The following GASK1A variants were observed in gnomAD, a reference collection of about 807,000 sequenced individuals.
GASK1A encodes the protein Golgi-associated kinase 1A.
In GASK1A, 40 loss-of-function variants were observed where a neutral mutation model predicts 41.2. The observed-to-expected ratio is 0.97, with a 90% CI of 0.75 to 1.27. The LOEUF (loss-of-function observed/expected upper bound fraction) is 1.27, where lower values mean the gene tolerates loss of function less well. Among genes scored for constraint, GASK1A ranks in the 50% most tolerant of loss-of-function variants. The pLI is 0.00. For synonymous variants in GASK1A, 316 were observed against 307.1 expected (o/e 1.03, Z -0.30); for missense variants, 678 against 745.1 (o/e 0.91, Z 1.05).
chr3:43,013,242 G>A (rs1222150457), intron 1 of GASK1A, among the ~76,000 whole-genome samples: 1 of 151,724 alleles, frequency 6.6e-6, no homozygotes, highest in Non-Finnish European at 1.5e-5. Flanking sequence ...GGAAGTCACA[G>A]GAAGAGGCAA....
chr3:43,016,807 CAGGAAGGGGCCATAGGCAGTCAT>C (rs1180016941), intron 1 of GASK1A, among the ~76,000 whole-genome samples: 2 of 151,486 alleles, frequency 1.3e-5, no homozygotes, highest in Non-Finnish European at 2.9e-5. Flanking sequence ...TGGAATGTCA[CAGGAAGGGGCCATAGGCAGTCAT>C]AGGAAGGGGC....
chr3:43,029,340 C>A (rs982313089), intron 1 of GASK1A, among the ~76,000 whole-genome samples: 1 of 152,018 alleles, frequency 6.6e-6, no homozygotes, highest in African/African-American at 2.4e-5. Context: ...TGAAAGCCAC[C>A]CTCCAGGGCC....
At chr3:43,020,750 C>G (rs1575443983) in intron 1 of GASK1A, among the ~76,000 whole-genome samples, 3 of 152,302 alleles carry the variant, frequency 2.0e-5, no homozygotes, top group African/African-American at 7.2e-5. Flanking sequence ...AGGTTTGTTC[C>G]AGATGCTTCA....
At position 43,014,907 on chromosome 3, in the gene GASK1A, C is replaced by T. The variant is rs553687968; in HGVS notation, c.4-17360C>T. Among the ~76,000 whole-genome samples, 4 of 149,620 alleles carry T rather than the reference C, an allele frequency of 2.7e-5. No individual in the cohort carries two copies. The East Asian group carries it at 6.1e-4, about 23-fold the overall frequency. On this transcript the variant is annotated intron_variant, in intron 1 of 4. Transcript: ENST00000430121. ...GAAATCACAGGAAGAGGCTGTTTTA[C>T]GCCCTGGGAATGGGCAGTGTGAAGC...
intron 2 of GASK1A, among the ~76,000 whole-genome samples, chr3:43,051,062 G>A (rs1477505667): frequency 6.6e-6 from 1 of 151,876 alleles, no homozygotes; most frequent in Non-Finnish European, 1.5e-5. Context: ...GCCATACTTT[G>A]TTTCTTTGAC....
intron 1 of GASK1A, among the ~76,000 whole-genome samples, chr3:42,994,020 T>C (rs553342101): frequency 9.1e-4 from 139 of 152,326 alleles, no homozygotes; most frequent in Admixed American, 2.2e-3. Flanking sequence ...GGCCAAGTCA[T>C]GCAGTTCATA....
At chr3:43,016,947 G>T (rs537753000) in intron 1 of GASK1A, among the ~76,000 whole-genome samples, 37 of 148,412 alleles carry the variant, frequency 2.5e-4, no homozygotes, top group Non-Finnish European at 4.5e-4. Context: ...TGAAGTCCCA[G>T]AAAGGGGCTG....
intron 2 of GASK1A, among the ~76,000 whole-genome samples, chr3:43,052,652 A>G (rs2089696891): frequency 6.6e-6 from 1 of 151,718 alleles, no homozygotes; most frequent in East Asian, 1.9e-4. Context: ...TCTCCAAACC[A>G]ACTCCTCACT....
chr3:42,987,301 C>G (rs559114100), intron 1 of GASK1A, among the ~76,000 whole-genome samples: 1 of 152,202 alleles, frequency 6.6e-6, no homozygotes, highest in South Asian at 2.1e-4. Context: ...GGTGGGCACA[C>G]AAAGTGGAGA....
At chr3:43,031,404 CCT>C (rs2089575126) in intron 1 of GASK1A, among the ~76,000 whole-genome samples, 1 of 152,268 alleles carries the variant, frequency 6.6e-6, no homozygotes, top group African/African-American at 2.4e-5. Context: ...CTGCCCAGCC[CCT>C]GTTTCTGATT....
At chr3:43,012,090 CCACAGGAAGGGGAATGGGAAGT>C (rs2089466336) in intron 1 of GASK1A, among the ~76,000 whole-genome samples, 1 of 151,108 alleles carries the variant, frequency 6.6e-6, no homozygotes, top group Admixed American at 6.6e-5. Flanking sequence ...CTGTGTGAAG[CCACAGGAAGGGGAATGGGAAGT>C]CACAGGAAGG....
intron 1 of GASK1A, among the ~76,000 whole-genome samples, chr3:42,988,409 T>G (rs1387147525): frequency 6.6e-6 from 1 of 152,116 alleles, no homozygotes; most frequent in Non-Finnish European, 1.5e-5. Flanking sequence ...CATGGTTCTA[T>G]AAGAGCCAGG....
chr3:42,995,498 C>G (rs1377146456), intron 1 of GASK1A, among the ~76,000 whole-genome samples: 2 of 152,198 alleles, frequency 1.3e-5, no homozygotes, highest in African/African-American at 4.8e-5. Context: ...TAAAACACTA[C>G]AAGCCAAACA....
intron 1 of GASK1A, 86 bp from the exon 2 acceptor site, chr3:43,032,181 T>A: frequency 9.3e-7 from 1 of 1,080,232 alleles, no homozygotes; most frequent in East Asian, 2.6e-5. Context: ...ACTGAGCACC[T>A]CATTTGCTTA....
chr3:43,007,816 C>G (rs1472842999), intron 1 of GASK1A, among the ~76,000 whole-genome samples: 1 of 152,260 alleles, frequency 6.6e-6, no homozygotes, highest in Non-Finnish European at 1.5e-5. Flanking sequence ...CATTACTTTT[C>G]TAAATCAAAT....
At chr3:43,028,546 G>C (rs1268092505) in intron 1 of GASK1A, among the ~76,000 whole-genome samples, 1 of 152,206 alleles carries the variant, frequency 6.6e-6, no homozygotes, top group Non-Finnish European at 1.5e-5. Flanking sequence ...CTCTCTTGGT[G>C]GAAGTGTATG....
intron 1 of GASK1A, among the ~76,000 whole-genome samples, chr3:42,990,492 C>T (rs2089334942): frequency 6.6e-6 from 1 of 152,162 alleles, no homozygotes; most frequent in South Asian, 2.1e-4. Flanking sequence ...AGGAAACCCA[C>T]ATTTACTAAG....
chr3:43,053,489 C>G, intron 2 of GASK1A, 32 bp from the exon 3 acceptor site: 9 of 1,510,146 alleles, frequency 6.0e-6, no homozygotes, highest in Non-Finnish European at 6.2e-6. Context: ...GGCCCCCTGC[C>G]GCACCCCACC....
chr3:42,981,507 A>C (rs2089282875), intron 1 of GASK1A, among the ~76,000 whole-genome samples: 1 of 152,224 alleles, frequency 6.6e-6, no homozygotes, highest in African/African-American at 2.4e-5. Flanking sequence ...TCTCAATTCT[A>C]GTGTTGAGCT....
Sources: allele counts gnomAD v4.1 joint callset (sites outside exome capture counted in the v4.1 genomes callset), GRCh38; gene constraint gnomAD v4.1.1; transcripts MANE v1.5; gene names NCBI Gene and HGNC (gene_info 2026-07-23, HGNC 2026-07-21).